Variants in NUP153 observed in about 807,000 individuals in gnomAD.
The protein encoded by NUP153 is nucleoporin 153.
A neutral mutation model predicts 134.6 loss-of-function variants in NUP153; 27 were observed. The ratio of observed to expected loss-of-function variants is 0.20; its 90% confidence interval spans 0.15 to 0.28. NUP153 has a LOEUF of 0.28. Among genes scored for constraint, NUP153 ranks in the 10% least tolerant of loss-of-function variants. NUP153 has a pLI of 1.00. For missense variants in NUP153, 1,821 were observed against 1,731.3 expected (o/e 1.05, Z -0.92); for synonymous variants, 640 against 623.5 (o/e 1.03, Z -0.40).
intron 2 of NUP153, among the ~76,000 whole-genome samples, chr6:17,679,590 G>T (rs540067243): frequency 1.3e-5 from 2 of 152,272 alleles, no homozygotes; most frequent in African/African-American, 4.8e-5. Context: ...AAAGTTGGAG[G>T]TCTCAAGCTT....
In NUP153 at chr6:17,625,658, C is replaced by G. The variant is rs977998353; in HGVS notation, c.3901+150G>C. On this transcript the variant is annotated intron_variant, in intron 19 of 21. Transcript: ENST00000262077. This position sits in a 1 kb window ranked among gnomAD's most constrained non-coding sequence, Gnocchi z 4.7. ...CACAGAGAGTGTACATTATTCCATA[C>G]AGTGAATAATTAAAACAACCCTGGT... 33 of 645,328 alleles carry G rather than the reference C, an allele frequency of 5.1e-5. No individual in the cohort carries two copies. The highest frequency in any genetic ancestry group is 4.9e-4 in the African/African-American group (27 of 54,622). 40.0% of individuals were successfully genotyped at this position (645,328 alleles called of 1,614,324 possible).
At chr6:17,620,423 G>A (rs1016313591) in intron 20 of NUP153, among the ~76,000 whole-genome samples, 1 of 152,152 alleles carries the variant, frequency 6.6e-6, no homozygotes, top group Non-Finnish European at 1.5e-5. Context: ...AATGGTGCTT[G>A]GAAAACTGGA....
chr6:17,623,069 G>A (rs1764729919), intron 20 of NUP153, among the ~76,000 whole-genome samples: 1 of 151,262 alleles, frequency 6.6e-6, no homozygotes. Flanking sequence ...AGCGGAGGTT[G>A]CAGTGAGCGG....
intron 5 of NUP153, among the ~76,000 whole-genome samples, chr6:17,673,385 A>G (rs1581741421): frequency 6.6e-6 from 1 of 152,292 alleles, no homozygotes; most frequent in East Asian, 1.9e-4. Context: ...TGCTCTTCAA[A>G]AGACACTGTT....
At position 17,628,619 on chromosome 6, in the gene NUP153, A is replaced by AAAAATAAT. The variant is rs1554136718; in HGVS notation, c.3544+35_3544+36insATTATTTT. The AAAAATAAT allele has an allele frequency of 6.5e-4, 752 of 1,158,996 alleles. 1 individual carries two copies. Among genetic ancestry groups the AAAAATAAT allele is most frequent in the Non-Finnish European group, 7.8e-4 (710 of 915,988 alleles). 71.8% of individuals were successfully genotyped at this position (1,158,996 alleles called of 1,614,324 possible). ...GTAAAACGACAACTTGTAAAAAAAA[A>AAAAATAAT]AATAATAATAATAATAATAAAAAGT... On this transcript the variant is annotated intron_variant, in intron 18 of 21. Coordinates refer to ENST00000262077, the MANE Select transcript of NUP153 (RefSeq NM_005124.4). The surrounding 1 kb of genome is among the most constrained non-coding windows in gnomAD (Gnocchi z 5.4).
At chr6:17,632,328 C>CAAACAAAA (rs1234936203) in intron 17 of NUP153, among the ~76,000 whole-genome samples, 4 of 98,586 alleles carry the variant, frequency 4.1e-5, no homozygotes, top group Non-Finnish European at 2.7e-5. Context: ...AACAAAAAAA[C>CAAACAAAA]AAACAAACAA....
rs575810993 is a variant in NUP153 at position 17,675,467 on chromosome 6, C to A, written c.583+55G>T. On this transcript the variant is annotated intron_variant, in intron 3 of 21. Coordinates refer to ENST00000262077, the MANE Select transcript of NUP153 (RefSeq NM_005124.4). The surrounding 1 kb of genome is among the most constrained non-coding windows in gnomAD (Gnocchi z 4.4). Reference sequence around the variant, plus strand: ...AATTACAACCAAGTCAGAAAAAAAACCCATAAAATTTAATGTTACTACCCA... The same window carrying A: ...AATTACAACCAAGTCAGAAAAAAAAACCATAAAATTTAATGTTACTACCCA... 1.1e-5 allele frequency: 18 copies of A among 1,581,906 alleles called. No individual in the cohort carries two copies. The highest frequency in any genetic ancestry group is 3.6e-5 in the Admixed American group (2 of 55,292).
At chr6:17,646,972 G>A (rs1766228511) in intron 13 of NUP153, among the ~76,000 whole-genome samples, 1 of 147,322 alleles carries the variant, frequency 6.8e-6, no homozygotes, top group Admixed American at 6.8e-5. Flanking sequence ...GGTCAGGCTG[G>A]TCTCGAACTC....
chr6:17,689,973 A>G (rs1769177454), intron 1 of NUP153, among the ~76,000 whole-genome samples: 1 of 152,224 alleles, frequency 6.6e-6, no homozygotes, highest in Non-Finnish European at 1.5e-5. Context: ...AACTTTATGA[A>G]CTAATATCCC....
Position 17,706,365 on chromosome 6 carries a change from A to G in NUP153, c.23T>C (p.Val8Ala). MASGAGG[V>A]GGGGGGKIRT... is the part of the protein sequence containing the mutation. ...GATCTTGCCGCCACCGCCCCCTCCG[A>G]CTCCTCCGGCTCCCGAGGCCATGGC... Residue 8 changes from valine (V) to alanine (A), a missense_variant, in exon 1 of 22, where the codon GTC (valine) becomes GCC (alanine). Transcript: ENST00000262077. The surrounding 1 kb of genome is among the most constrained non-coding windows in gnomAD (Gnocchi z 5.9). 6.2e-7 allele frequency: 1 copy of G among 1,611,180 alleles called. No homozygotes were observed. Among genetic ancestry groups the G allele is most frequent in the Non-Finnish European group, 8.5e-7 (1 of 1,179,080 alleles).
chr6:17,678,228 C>G (rs528383527), intron 2 of NUP153, among the ~76,000 whole-genome samples: 1 of 151,762 alleles, frequency 6.6e-6, no homozygotes, highest in South Asian at 2.1e-4. Flanking sequence ...TGGTGGCACA[C>G]GCCTGTAATT....
chr6:17,698,265 G>A (rs1029701143), intron 1 of NUP153, among the ~76,000 whole-genome samples: 1 of 152,152 alleles, frequency 6.6e-6, no homozygotes, highest in African/African-American at 2.4e-5. Context: ...AACCAATAAT[G>A]TCTTAGATTT....
At chr6:17,641,188 T>C (rs879867581) in intron 14 of NUP153, among the ~76,000 whole-genome samples, 5 of 152,112 alleles carry the variant, frequency 3.3e-5, no homozygotes, top group Non-Finnish European at 5.9e-5. Context: ...TGACCTGACA[T>C]GTAAGTTTCT....
In NUP153 at chr6:17,619,110, A is replaced by C. The variant is rs1286019362; in HGVS notation, c.4175-2415T>G. On this transcript the variant is annotated intron_variant, in intron 20 of 21. Coordinates refer to ENST00000262077, the MANE Select transcript of NUP153 (RefSeq NM_005124.4). ...CAATGGAGGCAAAAGAGGAGAGTCT[A>C]ACAATTCCAGAAAGAAGAAACAGGC... Among the ~76,000 whole-genome samples the C allele has an allele frequency of 1.3e-5, 2 of 152,250 alleles. 1 individual carries two copies.
intron 2 of NUP153, among the ~76,000 whole-genome samples, chr6:17,681,497 G>C (rs1561900529): frequency 6.6e-6 from 1 of 152,104 alleles, no homozygotes; most frequent in Non-Finnish European, 1.5e-5. Flanking sequence ...AGACAGGAGA[G>C]TGGCGTGAAC....
chr6:17,625,966 G>T lies in NUP153; in HGVS notation c.3743C>A (p.Thr1248Asn). 6.2e-7 allele frequency: 1 copy of T among 1,614,180 alleles called. No homozygotes were observed. The highest frequency in any genetic ancestry group is 8.5e-7 in the Non-Finnish European group (1 of 1,180,036). The change falls in exon 19 of 22, where the codon ACC becomes AAC. Residue 1248 changes from threonine (T) to asparagine (N), a missense_variant. Thr to Asn is a moderately conservative substitution (Grantham distance 65). Transcript: ENST00000262077. This position sits in a 1 kb window ranked among gnomAD's most constrained non-coding sequence, Gnocchi z 4.7. ...TTGAGAAAATAGCAAAGACTGAGAG[G>T]TGCTGGATTCAGCAGTGTTACCAAA... ...SAFGNTAESS[T>N]SQSLLFSQDS...
intron 1 of NUP153, among the ~76,000 whole-genome samples, chr6:17,693,502 T>C (rs766951098): frequency 3.3e-5 from 5 of 152,236 alleles, no homozygotes; most frequent in African/African-American, 9.6e-5. Flanking sequence ...GAGAAGGTAG[T>C]AGCGTTCTGC....
rs200690003 is a variant in NUP153 at position 17,691,024 on chromosome 6, C to G, written c.112-2406G>C. 5.9e-5 allele frequency among the ~76,000 whole-genome samples: 9 copies of G among 152,200 alleles called. No homozygotes were observed. In the East Asian group the frequency reaches 1.5e-3, roughly 26 times the overall value. ...GGGTGTGGTGGTGTGCATCTGTAAT[C>G]CCAGCTACTCAGGAGGCTGAGGCAG... On this transcript the variant is annotated intron_variant, in intron 1 of 21. Transcript: ENST00000262077.
chr6:17,668,032 A>AGATGAT (rs1205260814), intron 8 of NUP153, among the ~76,000 whole-genome samples: 1 of 151,672 alleles, frequency 6.6e-6, no homozygotes, highest in Non-Finnish European at 1.5e-5. Context: ...AAGTATACAA[A>AGATGAT]GATGATGATG....
Sources: allele counts gnomAD v4.1 joint callset (sites outside exome capture counted in the v4.1 genomes callset), GRCh38; gene constraint gnomAD v4.1.1; non-coding constraint Gnocchi (gnomAD v3.1); transcripts MANE v1.5; gene names NCBI Gene and HGNC (gene_info 2026-07-23, HGNC 2026-07-21).